JAKMIP2: variants seen among roughly 807,000 people sequenced by gnomAD.
JAKMIP2 encodes the protein janus kinase and microtubule-interacting protein 2.
In JAKMIP2, 25 loss-of-function variants were observed where a neutral mutation model predicts 115.0. The observed-to-expected ratio is 0.22, with a 90% confidence interval of 0.16 to 0.30. JAKMIP2 has a LOEUF of 0.30. Ranked by LOEUF, JAKMIP2 falls within the 10% of genes least tolerant of loss-of-function variation. The pLI, the probability that JAKMIP2 is intolerant of heterozygous loss-of-function variation, is 1.00. For synonymous variants in JAKMIP2, 334 were observed against 343.6 expected, an observed-to-expected ratio of 0.97 and a Z score of 0.31; for missense variants, 642 against 957.6, an observed-to-expected ratio of 0.67 and a Z score of 4.35.
At chr5:147,769,175 C>G (rs1755257526) in intron 1 of JAKMIP2, among the ~76,000 whole-genome samples, 1 of 152,090 alleles carries the variant, frequency 6.6e-6, no homozygotes, top group Admixed American at 6.6e-5. Context: ...TTGTACAACT[C>G]AGGGAGGTGC....
At chr5:147,677,987 C>A (rs1435622194) in intron 1 of JAKMIP2, among the ~76,000 whole-genome samples, 1 of 152,036 alleles carries the variant, frequency 6.6e-6, no homozygotes, top group Non-Finnish European at 1.5e-5. Flanking sequence ...TCTTCCCTCC[C>A]CACCTGCTCC....
intron 2 of JAKMIP2, among the ~76,000 whole-genome samples, chr5:147,670,656 C>T (rs1286415043): frequency 6.6e-6 from 1 of 152,148 alleles, no homozygotes; most frequent in East Asian, 1.9e-4. Flanking sequence ...TATTATGTGT[C>T]AGGCAGCTCT....
Position 147,721,715 on chromosome 5 carries a change from C to T in JAKMIP2, c.-148-49761G>A, listed in dbSNP as rs552608012. Among the ~76,000 whole-genome samples the T allele has an allele frequency of 1.2e-3, 179 of 152,230 alleles. 7 individuals carry two copies. The East Asian group carries it at 0.034, about 29-fold the overall frequency. The stretch of plus-strand genomic sequence containing the variant: ...GCCTCTCCCTGCTTCGGCTCGCGCA[C>T]GGTGCGCGCACCCACTGACCTGCGC... On this transcript the variant is annotated intron_variant, in intron 1 of 21. Coordinates refer to ENST00000616793, the MANE Select transcript of JAKMIP2 (RefSeq NM_001270941.2).
In JAKMIP2 at chr5:147,618,012, T is replaced by C; in HGVS notation, c.2245A>G (p.Thr749Ala). Reference sequence around the variant, plus strand: ...TGCCGCCGTAACTTTTCTACTGCCGTCCTCAGCTCCTCTTGCTGTTTTTCA... The same window carrying C: ...TGCCGCCGTAACTTTTCTACTGCCGCCCTCAGCTCCTCTTGCTGTTTTTCA... ...LSEKQQEELRTAVEKLRRQML... is the reference protein window; with the variant it reads ...LSEKQQEELRAAVEKLRRQML... Residue 749 changes from threonine (T) to alanine (A), a missense_variant, in exon 19 of 22, where the codon ACG becomes GCG. Coordinates refer to ENST00000616793, the MANE Select transcript of JAKMIP2 (RefSeq NM_001270941.2). 3.1e-6 allele frequency: 5 copies of C among 1,614,142 alleles called. No homozygotes were observed. The highest frequency in any genetic ancestry group is 4.2e-6 in the Non-Finnish European group (5 of 1,179,988).
At chr5:147,663,970 G>A (rs1174141989) in intron 2 of JAKMIP2, among the ~76,000 whole-genome samples, 4 of 152,060 alleles carry the variant, frequency 2.6e-5, no homozygotes, top group Admixed American at 6.6e-5. Context: ...AATATACTCT[G>A]GATTTCGAAG....
intron 20 of JAKMIP2, among the ~76,000 whole-genome samples, chr5:147,605,203 A>ATTT (rs71001447): frequency 4.0e-5 from 4 of 100,524 alleles, no homozygotes; most frequent in African/African-American, 1.5e-4. Flanking sequence ...TATGTGCCAC[A>ATTT]TTTTTTTTTT....
chr5:147,673,439 C>T (rs564183028), intron 1 of JAKMIP2, among the ~76,000 whole-genome samples: 12 of 152,236 alleles, frequency 7.9e-5, no homozygotes, highest in Admixed American at 5.2e-4. Flanking sequence ...CTAGCACTGA[C>T]AAGCATGCTG....
intron 1 of JAKMIP2, among the ~76,000 whole-genome samples, chr5:147,772,287 G>A (rs1755388100): frequency 6.6e-6 from 1 of 152,120 alleles, no homozygotes; most frequent in Non-Finnish European, 1.5e-5. Context: ...CCACAAACCA[G>A]ATCTAAAGCA....
chr5:147,752,317 GTACT>G (rs1754587887), intron 1 of JAKMIP2, among the ~76,000 whole-genome samples: 1 of 152,206 alleles, frequency 6.6e-6, no homozygotes, highest in Admixed American at 6.5e-5. Context: ...ACCAAACTGA[GTACT>G]GTAAACTTAG....
In JAKMIP2 at chr5:147,641,727, C is replaced by A. The variant is rs1157487999; in HGVS notation, c.1262G>T (p.Arg421Ile). The change falls in exon 8 of 22, where the codon AGA becomes ATA. Residue 421 changes from arginine to isoleucine, a missense_variant. Transcript: ENST00000616793. ...TATTACCTTAATTGGCTTGGAACTT[C>A]TTCTATGCTTTCTTCTACGGATGAG... Reference protein sequence around the residue: ...EKLIRRRKHRRSSKPIKRPVL... With the variant: ...EKLIRRRKHRISSKPIKRPVL... The A allele has an allele frequency of 1.9e-6, 3 of 1,613,238 alleles. No individual in the cohort carries two copies. Among genetic ancestry groups the A allele is most frequent in the Non-Finnish European group, 1.7e-6 (2 of 1,179,334 alleles).
At chr5:147,732,613 A>G (rs564161236) in intron 1 of JAKMIP2, among the ~76,000 whole-genome samples, 99 of 152,376 alleles carry the variant, frequency 6.5e-4, no homozygotes, top group African/African-American at 2.3e-3. Context: ...TACTACTATT[A>G]AAATAATAAT....
chr5:147,689,969 T>C lies in JAKMIP2; in HGVS notation c.-148-18015A>G, dbSNP rs563202955. Among the ~76,000 whole-genome samples, 21 of 152,162 alleles carry C rather than the reference T, an allele frequency of 1.4e-4. No individual in the cohort carries two copies. The South Asian group carries it at 4.4e-3, about 32-fold the overall frequency. On this transcript the variant is annotated intron_variant, in intron 1 of 21. Coordinates refer to ENST00000616793, the MANE Select transcript of JAKMIP2 (RefSeq NM_001270941.2). ...AGTTACATAGTATGTTAAAAGGTAA[T>C]AATGAGAGACTTCATGACGATCTAG...
rs1659856855 is a variant in JAKMIP2 at position 147,589,597 on chromosome 5, T to A, written c.*2110A>T. On this transcript the variant is annotated 3_prime_UTR_variant, in exon 22 of 22. Coordinates refer to ENST00000616793, the MANE Select transcript of JAKMIP2 (RefSeq NM_001270941.2). ...TCCAAGCCTTTGTTTAATGACTGGC[T>A]CTCCTGTGGTAAAAGTGGGGTTCTG... 6.6e-6 allele frequency: 1 copy of A among 152,202 alleles called. No homozygotes were observed. Among genetic ancestry groups the A allele is most frequent in the Non-Finnish European group, 1.5e-5 (1 of 68,062 alleles). 9.4% of individuals were successfully genotyped at this position (152,202 alleles called of 1,614,324 possible).
chr5:147,664,552 C>T (rs995861823), intron 2 of JAKMIP2, among the ~76,000 whole-genome samples: 2 of 152,178 alleles, frequency 1.3e-5, no homozygotes, highest in Non-Finnish European at 2.9e-5. Flanking sequence ...CCTCACATTC[C>T]TCATGGCCTG....
At chr5:147,623,548 T>C in intron 17 of JAKMIP2, 73 bp downstream of exon 17, 1 of 918,540 alleles carries the variant, frequency 1.1e-6, no homozygotes, top group Admixed American at 1.8e-5. Flanking sequence ...ATAAAACTGG[T>C]AGAGGCAACT....
chr5:147,595,736 C>A (rs572440908), intron 21 of JAKMIP2, among the ~76,000 whole-genome samples: 2 of 152,178 alleles, frequency 1.3e-5, no homozygotes, highest in South Asian at 4.2e-4. Context: ...ATTGAAATAT[C>A]ATTAATATTA....
At chr5:147,726,555 C>A (rs927339534) in intron 1 of JAKMIP2, among the ~76,000 whole-genome samples, 1 of 152,298 alleles carries the variant, frequency 6.6e-6, no homozygotes, top group African/African-American at 2.4e-5. Context: ...TTGTGAGGTA[C>A]GTCTGAAGCT....
At chr5:147,607,025 T>C (rs1756053492) in intron 20 of JAKMIP2, among the ~76,000 whole-genome samples, 1 of 152,224 alleles carries the variant, frequency 6.6e-6, no homozygotes, top group Non-Finnish European at 1.5e-5. Context: ...ATTGATTTTG[T>C]ATCTTGAGAG....
chr5:147,651,588 T>C (rs1444766555), intron 3 of JAKMIP2, among the ~76,000 whole-genome samples: 5 of 152,194 alleles, frequency 3.3e-5, no homozygotes, highest in Non-Finnish European at 5.9e-5. Flanking sequence ...AACAATACTT[T>C]TGTATAAATT....
Sources: gnomAD v4.1 joint callset for allele counts (sites outside exome capture counted in the v4.1 genomes callset) on GRCh38, gnomAD v4.1.1 for gene constraint, MANE v1.5 for transcripts, NCBI Gene and HGNC (gene_info 2026-07-23, HGNC 2026-07-21) for gene names.